Variants in DGKI observed in about 807,000 individuals in gnomAD.
DGKI encodes diacylglycerol kinase iota.
Under a neutral mutation model 147.5 loss-of-function variants are expected in DGKI, and 55 were observed. The ratio of observed to expected loss-of-function variants is 0.37; its 90% CI spans 0.30 to 0.47. DGKI has a LOEUF of 0.47. DGKI is among the 20% of genes least tolerant of loss of function. The pLI is 1.00. For missense variants in DGKI, 1,007 were observed against 1,323.8 expected, an observed-to-expected ratio of 0.76 and a Z score of 3.71; for synonymous variants, 469 against 477.1, an observed-to-expected ratio of 0.98 and a Z score of 0.22.
intron 6 of DGKI, among the ~76,000 whole-genome samples, chr7:137,624,780 A>T (rs988350389): frequency 4.7e-5 from 7 of 150,506 alleles, no homozygotes; most frequent in African/African-American, 1.7e-4. Context: ...AATTTTTTGT[A>T]TTTTTTTAGT....
intron 6 of DGKI, among the ~76,000 whole-genome samples, chr7:137,644,858 C>G (rs2129008163): frequency 6.6e-6 from 1 of 152,284 alleles, no homozygotes. Context: ...GTCAATGACA[C>G]ATGGAATCTA....
chr7:137,511,834 G>C (rs1246617157), intron 21 of DGKI, among the ~76,000 whole-genome samples: 1 of 152,190 alleles, frequency 6.6e-6, no homozygotes, highest in Non-Finnish European at 1.5e-5. Flanking sequence ...CTCCAGAAAG[G>C]CTGCTACCTC....
intron 1 of DGKI, among the ~76,000 whole-genome samples, chr7:137,779,136 T>A (rs575146140): frequency 2.6e-5 from 4 of 152,156 alleles, no homozygotes; most frequent in African/African-American, 9.7e-5. Flanking sequence ...GGCATAAAGA[T>A]AGAAAAATAG....
chr7:137,474,754 G>A (rs148533114), intron 23 of DGKI, among the ~76,000 whole-genome samples: 60 of 152,300 alleles, frequency 3.9e-4, no homozygotes, highest in African/African-American at 1.4e-3. Flanking sequence ...CAAGGCGAGA[G>A]ATTGTATGGG....
chr7:137,416,859 G>A (rs978044496), intron 28 of DGKI, among the ~76,000 whole-genome samples: 11 of 152,228 alleles, frequency 7.2e-5, no homozygotes, highest in South Asian at 2.1e-4. Context: ...TCATAACCAC[G>A]AGTAGTTTCC....
intron 1 of DGKI, among the ~76,000 whole-genome samples, chr7:137,820,842 G>A (rs1398462751): frequency 6.6e-6 from 1 of 152,090 alleles, no homozygotes; most frequent in Non-Finnish European, 1.5e-5. Flanking sequence ...TCAGCAAGAC[G>A]CAAGGGCCTC....
At position 137,843,756 on chromosome 7, in the gene DGKI, TACAC is replaced by T. The variant is rs71177923; in HGVS notation, c.401+2702_401+2705del. Among the ~76,000 whole-genome samples, 533 of 137,800 alleles carry T rather than the reference TACAC, an allele frequency of 3.9e-3. 3 individuals carry two copies. Among genetic ancestry groups the T allele is most frequent in the Middle Eastern group, 0.037 (10 of 270 alleles). 90.4% of individuals were successfully genotyped at this position (137,800 alleles called of 152,430 possible). A position where few individuals can be genotyped will look rare whatever the true frequency, so the allele number is the denominator to read the frequency against. ...ACAGAAGGAGCAGATGAGACCCCCC[TACAC>T]ACACACACACACACACACACACACA... On this transcript the variant is annotated intron_variant, in intron 1 of 32. Coordinates refer to ENST00000614521, the MANE Select transcript of DGKI (RefSeq NM_001321708.2).
intron 8 of DGKI, among the ~76,000 whole-genome samples, chr7:137,616,863 G>A (rs561475012): frequency 6.6e-6 from 1 of 152,110 alleles, no homozygotes; most frequent in South Asian, 2.1e-4. Flanking sequence ...TTGGGATGAA[G>A]GAAAGGTCTC....
chr7:137,668,455 G>C (rs1822721990), intron 3 of DGKI, among the ~76,000 whole-genome samples: 4 of 152,196 alleles, frequency 2.6e-5, no homozygotes, highest in Admixed American at 2.6e-4. Context: ...TTAAATGGCA[G>C]GGTTGATCTG....
chr7:137,727,850 T>C (rs1043456757), intron 1 of DGKI, among the ~76,000 whole-genome samples: 1 of 152,196 alleles, frequency 6.6e-6, no homozygotes, highest in Non-Finnish European at 1.5e-5. Context: ...AATTTTGCTA[T>C]GATTAAGCTC....
intron 1 of DGKI, among the ~76,000 whole-genome samples, chr7:137,703,856 C>A (rs1163588636): frequency 6.6e-6 from 1 of 152,078 alleles, no homozygotes; most frequent in Non-Finnish European, 1.5e-5. Context: ...AAGAAAGTAT[C>A]ACGCATACAC....
chr7:137,608,820 A>G (rs966596933), intron 10 of DGKI, 146 bp downstream of exon 10: 26 of 653,648 alleles, frequency 4.0e-5, no homozygotes, highest in Non-Finnish European at 6.7e-5. Context: ...GTGTAAAGCT[A>G]TCAGAGAAAC....
intron 1 of DGKI, among the ~76,000 whole-genome samples, chr7:137,780,860 GT>G (rs1796497867): frequency 6.6e-6 from 1 of 152,224 alleles, no homozygotes. Context: ...AGCTATTGAT[GT>G]GTTGAGAGTC....
chr7:137,780,138 C>T (rs1260461830), intron 1 of DGKI, among the ~76,000 whole-genome samples: 1 of 152,176 alleles, frequency 6.6e-6, no homozygotes, highest in Non-Finnish European at 1.5e-5. Context: ...CGGTCAGAGA[C>T]ATCACCAGAT....
intron 1 of DGKI, among the ~76,000 whole-genome samples, chr7:137,782,105 T>C (rs1386556809): frequency 6.6e-6 from 1 of 152,134 alleles, no homozygotes; most frequent in Non-Finnish European, 1.5e-5. Context: ...CCCTTTCAAG[T>C]AACGAACTAG....
intron 3 of DGKI, among the ~76,000 whole-genome samples, chr7:137,666,408 CA>C (rs1365592661): frequency 6.6e-6 from 1 of 152,098 alleles, no homozygotes; most frequent in Non-Finnish European, 1.5e-5. Context: ...GTCTCTAAAA[CA>C]AACACACAAA....
At chr7:137,461,068 A>C (rs1363331547) in intron 27 of DGKI, among the ~76,000 whole-genome samples, 1 of 152,222 alleles carries the variant, frequency 6.6e-6, no homozygotes, top group African/African-American at 2.4e-5. Flanking sequence ...ATGTGCATGC[A>C]TAGTACCCCT....
intron 21 of DGKI, chr7:137,493,839 G>A (rs1286090212): frequency 2.9e-6 from 2 of 698,140 alleles, no homozygotes; most frequent in Admixed American, 2.0e-5. Flanking sequence ...TGAAATAGCT[G>A]AAATGACAGA....
At chr7:137,660,859 G>C (rs1822400562) in intron 3 of DGKI, among the ~76,000 whole-genome samples, 1 of 151,938 alleles carries the variant, frequency 6.6e-6, no homozygotes, top group South Asian at 2.1e-4. Context: ...GAAAGGGTAG[G>C]AGAGAAGGGA....
Sources: gnomAD v4.1 joint callset for allele counts (sites outside exome capture counted in the v4.1 genomes callset) on GRCh38, gnomAD v4.1.1 for gene constraint, MANE v1.5 for transcripts, NCBI Gene and HGNC (gene_info 2026-07-23, HGNC 2026-07-21) for gene names.